Variants in SMOC1 observed in about 807,000 individuals in gnomAD.
The protein encoded by SMOC1 is SPARC-related modular calcium-binding protein 1.
A neutral mutation model predicts 56.3 loss-of-function variants in SMOC1; 22 were observed. That is an observed-to-expected ratio of 0.39 (90% CI 0.28 to 0.56). The LOEUF is 0.56. Among genes scored for constraint, SMOC1 ranks in the 20% least tolerant of loss-of-function variants. The pLI is 0.61. For missense variants in SMOC1, 509 were observed against 565.4 expected, an observed-to-expected ratio of 0.90 and a Z score of 1.01; for synonymous variants, 193 against 215.0, an observed-to-expected ratio of 0.90 and a Z score of 0.89.
At chr14:69,923,843 G>C (rs1440310127) in intron 1 of SMOC1, among the ~76,000 whole-genome samples, 8 of 152,204 alleles carry the variant, frequency 5.3e-5, no homozygotes, top group Admixed American at 5.2e-4. Context: ...GGCAGGAGAA[G>C]AGGCTAAGTA....
chr14:69,895,690 T>C (rs181014902), intron 1 of SMOC1, among the ~76,000 whole-genome samples: 1 of 152,308 alleles, frequency 6.6e-6, no homozygotes, highest in Non-Finnish European at 1.5e-5. Context: ...CATCATTCCA[T>C]ACTTCTTGTC....
intron 7 of SMOC1, among the ~76,000 whole-genome samples, chr14:70,008,852 G>A (rs1885234960): frequency 6.6e-6 from 1 of 152,184 alleles, no homozygotes; most frequent in Non-Finnish European, 1.5e-5. Context: ...ACCAAATTGG[G>A]GTTGGGGGAG....
chr14:69,902,326 A>C (rs1884263492), intron 1 of SMOC1, among the ~76,000 whole-genome samples: 4 of 152,248 alleles, frequency 2.6e-5, no homozygotes, highest in Admixed American at 2.6e-4. Flanking sequence ...ACTCTGCTAA[A>C]AGCTTCCTTA....
chr14:69,982,884 G>A lies in SMOC1; in HGVS notation c.526+4919G>A, dbSNP rs932347839. On this transcript the variant is annotated intron_variant, in intron 5 of 11. Coordinates refer to ENST00000361956, the MANE Select transcript of SMOC1 (RefSeq NM_001034852.3). The stretch of plus-strand genomic sequence containing the variant: ...TTGGAGAAGGATTCTCTCTGATTCT[G>A]TGCCTGCTGAAACAGAACTGTGCCT... Among the ~76,000 whole-genome samples, 4 of 152,186 alleles carry A rather than the reference G, an allele frequency of 2.6e-5. No individual in the cohort carries two copies. The East Asian group carries it at 5.8e-4, about 22-fold the overall frequency.
intron 1 of SMOC1, among the ~76,000 whole-genome samples, chr14:69,907,896 C>T (rs1047278616): frequency 6.6e-6 from 1 of 152,180 alleles, no homozygotes; most frequent in Non-Finnish European, 1.5e-5. Context: ...TGAGGGGTCT[C>T]ACTCTGGCCT....
chr14:69,964,318 C>T (rs541342745), intron 3 of SMOC1, among the ~76,000 whole-genome samples: 4 of 151,734 alleles, frequency 2.6e-5, no homozygotes, highest in African/African-American at 9.7e-5. Flanking sequence ...TCTGGCTTTC[C>T]TGCTGTCTGT....
At chr14:69,886,623 G>T (rs370939177) in intron 1 of SMOC1, among the ~76,000 whole-genome samples, 1 of 152,126 alleles carries the variant, frequency 6.6e-6, no homozygotes, top group Non-Finnish European at 1.5e-5. Flanking sequence ...GTCCTTTTTT[G>T]TATCTTGCAT....
chr14:69,946,575 G>A (rs1325047864), intron 1 of SMOC1, among the ~76,000 whole-genome samples: 1 of 152,188 alleles, frequency 6.6e-6, no homozygotes, highest in African/African-American at 2.4e-5. Context: ...TTCCCTCTAG[G>A]AGGAAATGTC....
At chr14:70,029,255 G>A (rs1566717319) in intron 11 of SMOC1, among the ~76,000 whole-genome samples, 1 of 152,228 alleles carries the variant, frequency 6.6e-6, no homozygotes, top group Non-Finnish European at 1.5e-5. Context: ...GGAGATGTGG[G>A]TGTCAGCAGA....
At chr14:69,971,712 A>T (rs1334734201) in intron 3 of SMOC1, among the ~76,000 whole-genome samples, 1 of 152,216 alleles carries the variant, frequency 6.6e-6, no homozygotes, top group Non-Finnish European at 1.5e-5. Flanking sequence ...TTACATCTTG[A>T]TCATGTATAT....
chr14:69,976,902 G>A (rs773416868), intron 4 of SMOC1, among the ~76,000 whole-genome samples: 1 of 152,130 alleles, frequency 6.6e-6, no homozygotes, highest in African/African-American at 2.4e-5. Context: ...AAGTGGAAAG[G>A]GCTATAAGAA....
chr14:69,939,854 G>T (rs227398), intron 1 of SMOC1, among the ~76,000 whole-genome samples: 85,567 of 152,044 alleles, frequency 0.56, 24,929 homozygotes, highest in African/African-American at 0.71. Context: ...AGGATGCTTA[G>T]TGCTGGCTGT....
At position 69,912,823 on chromosome 14, in the gene SMOC1, C is replaced by T. The variant is rs147814000; in HGVS notation, c.99+33046C>T. 2.0e-3 allele frequency among the ~76,000 whole-genome samples: 299 copies of T among 152,270 alleles called. 1 individual carries two copies. The highest frequency in any genetic ancestry group is 6.8e-3 in the Middle Eastern group (2 of 294). On this transcript the variant is annotated intron_variant, in intron 1 of 11. Transcript: ENST00000361956. Reference sequence around the variant, plus strand: ...TCACCCTCCTGGTTGCGTCCCTCCTCGGGCTGCAGTTTGTCTTTAACCTTC... The same window carrying T: ...TCACCCTCCTGGTTGCGTCCCTCCTTGGGCTGCAGTTTGTCTTTAACCTTC...
intron 1 of SMOC1, among the ~76,000 whole-genome samples, chr14:69,891,331 C>T (rs1883953599): frequency 6.6e-6 from 1 of 152,164 alleles, no homozygotes; most frequent in Non-Finnish European, 1.5e-5. Context: ...GTGGTGAATA[C>T]ATATATTCTT....
chr14:69,983,631 C>T (rs1019360206), intron 5 of SMOC1, among the ~76,000 whole-genome samples: 1 of 152,198 alleles, frequency 6.6e-6, no homozygotes, highest in African/African-American at 2.4e-5. Context: ...GAGCGGGTGG[C>T]CTGAGCTGAG....
At chr14:69,912,785 G>A (rs568837520) in intron 1 of SMOC1, among the ~76,000 whole-genome samples, 11 of 152,102 alleles carry the variant, frequency 7.2e-5, no homozygotes, top group Non-Finnish European at 1.3e-4. Context: ...TGGTAGAAGA[G>A]CCTTGCATTC....
At chr14:69,941,234 G>T (rs61980654) in intron 1 of SMOC1, among the ~76,000 whole-genome samples, 1 of 152,188 alleles carries the variant, frequency 6.6e-6, no homozygotes, top group Non-Finnish European at 1.5e-5. Flanking sequence ...CCATAAGACA[G>T]TGATAGGATT....
chr14:69,988,663 A>G (rs1242070693), intron 5 of SMOC1, among the ~76,000 whole-genome samples: 1 of 152,152 alleles, frequency 6.6e-6, no homozygotes, highest in Non-Finnish European at 1.5e-5. Flanking sequence ...GAACATCTCC[A>G]TCACCCCAAA....
At chr14:70,015,659 G>T (rs910491344) in intron 10 of SMOC1, among the ~76,000 whole-genome samples, 2 of 152,136 alleles carry the variant, frequency 1.3e-5, no homozygotes, top group African/African-American at 4.8e-5. Flanking sequence ...CACTAAGTCT[G>T]AGAAAGATGA....
Sources: allele counts gnomAD v4.1 joint callset (sites outside exome capture counted in the v4.1 genomes callset), GRCh38; gene constraint gnomAD v4.1.1; transcripts MANE v1.5; gene names NCBI Gene and HGNC (gene_info 2026-07-23, HGNC 2026-07-21).